CELF2: variants seen among roughly 807,000 people sequenced by gnomAD.
CELF2 encodes the protein CUG triplet repeat RNA-binding protein 2.
In CELF2, 8 loss-of-function variants were observed where a neutral mutation model predicts 62.6. The ratio of observed to expected loss-of-function variants is 0.13; its 90% CI spans 0.07 to 0.23. The LOEUF is 0.23. Ranked by LOEUF, CELF2 falls within the 10% of genes least tolerant of loss-of-function variation. The pLI is 1.00. For synonymous variants in CELF2, 258 were observed against 250.0 expected (o/e 1.03, Z -0.30); for missense variants, 333 against 671.0 (o/e 0.50, Z 5.56).
At chr10:11,197,852 C>T (rs981125038) in intron 2 of CELF2, among the ~76,000 whole-genome samples, 1 of 152,228 alleles carries the variant, frequency 6.6e-6, no homozygotes, top group South Asian at 2.1e-4. Flanking sequence ...CGTTTTGATA[C>T]TGACAATTTT....
intron 1 of CELF2, among the ~76,000 whole-genome samples, chr10:11,125,002 C>T (rs1488300199): frequency 6.6e-6 from 1 of 152,126 alleles, no homozygotes; most frequent in African/African-American, 2.4e-5. Flanking sequence ...AAATTTGTCC[C>T]CATATTGTGT....
intron 1 of CELF2, among the ~76,000 whole-genome samples, chr10:10,917,217 G>T (rs887755807): frequency 5.9e-5 from 9 of 152,166 alleles, no homozygotes; most frequent in Non-Finnish European, 1.3e-4. Context: ...CAAAGCAGGT[G>T]CTCTTAGAGG....
intron 1 of CELF2, among the ~76,000 whole-genome samples, chr10:11,078,444 C>T (rs1594759746): frequency 6.6e-6 from 1 of 152,166 alleles, no homozygotes; most frequent in Admixed American, 6.5e-5. Context: ...ATAACACAGT[C>T]CCAAGTCGAA....
chr10:10,768,731 C>T, the CELF2 span, among the ~76,000 whole-genome samples: 2 of 151,824 alleles, frequency 1.3e-5, no homozygotes, highest in African/African-American at 4.8e-5. Context: ...CCAACACCAC[C>T]CCTGGCTAAT....
chr10:10,640,759 A>G, the CELF2 span, among the ~76,000 whole-genome samples: 1 of 152,246 alleles, frequency 6.6e-6, no homozygotes, highest in Non-Finnish European at 1.5e-5. Flanking sequence ...AAAAAAGAAC[A>G]AAGGAAAGAA....
At chr10:10,695,573 G>A in the CELF2 span, among the ~76,000 whole-genome samples, 1 of 151,432 alleles carries the variant, frequency 6.6e-6, no homozygotes, top group East Asian at 1.9e-4. Context: ...GATTGGGGAA[G>A]TTCTCCTGGA....
At chr10:10,980,209 G>A (rs910914272) in intron 2 of CELF2, among the ~76,000 whole-genome samples, 3 of 152,186 alleles carry the variant, frequency 2.0e-5, no homozygotes, top group Admixed American at 6.5e-5. Flanking sequence ...CCTTGGCTTC[G>A]TTTTCTTTTC....
intron 1 of CELF2, chr10:11,018,903 A>T (rs1472739088): frequency 6.6e-6 from 1 of 152,282 alleles, no homozygotes; most frequent in African/African-American, 2.4e-5. Context: ...GGGCGGGGGG[A>T]TAATTATAAA....
chr10:11,106,356 C>T (rs2399629), intron 1 of CELF2, among the ~76,000 whole-genome samples: 63,702 of 151,856 alleles, frequency 0.42, 15,801 homozygotes, highest in East Asian at 0.73. Context: ...CCTGCCTCAG[C>T]CTCCCAAGTA....
the CELF2 span, among the ~76,000 whole-genome samples, chr10:10,598,909 C>T: frequency 3.3e-5 from 5 of 151,500 alleles, no homozygotes; most frequent in Admixed American, 2.0e-4. Context: ...TGCACCACCA[C>T]GCCTGGCTTA....
Position 11,103,092 on chromosome 10 carries a change from G to A in CELF2, c.75-62394G>A, listed in dbSNP as rs139816305. On this transcript the variant is annotated intron_variant, in intron 1 of 12. Transcript: ENST00000633077. Reference sequence around the variant, plus strand: ...CATCAACTTCTCAGCAAGTCCTAAGGGTGCCTCACAATGCGGCTGCAATCT... The same window carrying A: ...CATCAACTTCTCAGCAAGTCCTAAGAGTGCCTCACAATGCGGCTGCAATCT... 3.9e-5 allele frequency among the ~76,000 whole-genome samples: 6 copies of A among 152,088 alleles called. No homozygotes were observed. The East Asian group carries it at 1.2e-3, about 29-fold the overall frequency.
chr10:10,954,866 A>C (rs576702194), intron 2 of CELF2, among the ~76,000 whole-genome samples: 23 of 152,264 alleles, frequency 1.5e-4, no homozygotes, highest in Non-Finnish European at 2.5e-4. Flanking sequence ...CAAAGAATAC[A>C]TAAATATGCT....
chr10:10,581,506 G>T, the CELF2 span, among the ~76,000 whole-genome samples: 1 of 152,080 alleles, frequency 6.6e-6, no homozygotes, highest in Non-Finnish European at 1.5e-5. Flanking sequence ...ACTCAGGAAA[G>T]CTGACACACC....
the CELF2 span, among the ~76,000 whole-genome samples, chr10:10,631,250 GA>G: frequency 6.6e-6 from 1 of 152,256 alleles, no homozygotes; most frequent in East Asian, 1.9e-4. Context: ...CGGTGAGTCT[GA>G]ACAAACTAAA....
chr10:10,813,145 G>A (rs185744819), intron 1 of CELF2, among the ~76,000 whole-genome samples: 14 of 152,116 alleles, frequency 9.2e-5, no homozygotes, highest in Middle Eastern at 3.4e-3. Flanking sequence ...CACTCCTTCC[G>A]TAGAGCTGAT....
chr10:11,047,985 A>G (rs1473752292), intron 1 of CELF2, among the ~76,000 whole-genome samples: 1 of 152,194 alleles, frequency 6.6e-6, no homozygotes, highest in Admixed American at 6.5e-5. Flanking sequence ...AGATTCACTC[A>G]TTCATAATTT....
the CELF2 span, among the ~76,000 whole-genome samples, chr10:10,467,418 G>T: frequency 6.6e-6 from 1 of 151,960 alleles, no homozygotes; most frequent in East Asian, 1.9e-4. Context: ...TCATTTTCTG[G>T]GATCTGTACC....
chr10:11,319,473 G>A lies in CELF2; in HGVS notation c.1097-1716G>A, dbSNP rs775827971. On this transcript the variant is annotated intron_variant, in intron 10 of 12. Transcript: ENST00000633077. The surrounding 1 kb of genome is among the most constrained non-coding windows in gnomAD (Gnocchi z 4.4). ...GCTGGTGTCCGAGGGATCATTTAGG[G>A]TAATTAGGACAGTCTGCATCCAAGC... 6.6e-6 allele frequency among the ~76,000 whole-genome samples: 1 copy of A among 152,150 alleles called. No individual in the cohort carries two copies. The highest frequency in any genetic ancestry group is 1.5e-5 in the Non-Finnish European group (1 of 68,038).
chr10:10,858,812 A>G (rs1180860207), intron 1 of CELF2, among the ~76,000 whole-genome samples: 1 of 152,170 alleles, frequency 6.6e-6, no homozygotes, highest in African/African-American at 2.4e-5. Flanking sequence ...TTTAAATAAC[A>G]TTATTCCTTT....
Sources: gnomAD v4.1 joint callset for allele counts (sites outside exome capture counted in the v4.1 genomes callset) on GRCh38, gnomAD v4.1.1 for gene constraint, Gnocchi (gnomAD v3.1) non-coding constraint, MANE v1.5 for transcripts, NCBI Gene and HGNC (gene_info 2026-07-23, HGNC 2026-07-21) for gene names.